Variants in METTL15 observed in about 807,000 individuals in gnomAD.
The protein encoded by METTL15 is 12S rRNA N(4)-cytidine methyltransferase METTL15.
A neutral mutation model predicts 38.3 loss-of-function variants in METTL15; 34 were observed. The ratio of observed to expected loss-of-function variants is 0.89; its 90% CI spans 0.68 to 1.18. The LOEUF is 1.18. Among genes scored for constraint, METTL15 ranks in the 50% most tolerant of loss-of-function variants. METTL15 has a pLI of 0.00. For missense variants in METTL15, 438 were observed against 498.4 expected, an observed-to-expected ratio of 0.88 and a Z score of 1.15; for synonymous variants, 162 against 170.9, an observed-to-expected ratio of 0.95 and a Z score of 0.41.
chr11:28,143,077 C>T (rs541649209), intron 3 of METTL15, among the ~76,000 whole-genome samples: 50 of 151,800 alleles, frequency 3.3e-4, no homozygotes, highest in Admixed American at 1.0e-3. Flanking sequence ...GTGGCCTTGT[C>T]GTAGGATGAA....
At chr11:28,266,957 C>T (rs1002037376) in intron 4 of METTL15, among the ~76,000 whole-genome samples, 4 of 151,858 alleles carry the variant, frequency 2.6e-5, no homozygotes, top group Non-Finnish European at 5.9e-5. Flanking sequence ...GTCAAGAGTT[C>T]GAGACCAGCC....
At chr11:28,134,131 T>G (rs1309419227) in intron 3 of METTL15, among the ~76,000 whole-genome samples, 3 of 152,148 alleles carry the variant, frequency 2.0e-5, no homozygotes, top group Admixed American at 6.5e-5. Context: ...ATTTTTTTGC[T>G]GCTTAGCTCA....
chr11:28,136,187 G>A (rs1849507900), intron 3 of METTL15, among the ~76,000 whole-genome samples: 1 of 152,096 alleles, frequency 6.6e-6, no homozygotes, highest in African/African-American at 2.4e-5. Flanking sequence ...GTAGCAATAT[G>A]GTTTGGCTGT....
intron 5 of METTL15, among the ~76,000 whole-genome samples, chr11:28,292,738 A>C (rs1462311937): frequency 6.6e-6 from 1 of 152,046 alleles, no homozygotes; most frequent in Non-Finnish European, 1.5e-5. Flanking sequence ...CTGACTTTTT[A>C]ATGATTGCCA....
At chr11:28,269,869 TTTAAATTGGA>T (rs1484084402) in intron 4 of METTL15, among the ~76,000 whole-genome samples, 1 of 152,246 alleles carries the variant, frequency 6.6e-6, no homozygotes. Context: ...GCCAGTGTAT[TTTAAATTGGA>T]TCTGATGGGA....
intron 4 of METTL15, among the ~76,000 whole-genome samples, chr11:28,243,162 G>C (rs1329349921): frequency 1.3e-5 from 2 of 151,704 alleles, no homozygotes; most frequent in Non-Finnish European, 2.9e-5. Flanking sequence ...TGATTTTAAA[G>C]ATAAATGCCA....
At chr11:28,434,963 G>C (rs940275251) in intron 6 of METTL15, among the ~76,000 whole-genome samples, 1 of 152,210 alleles carries the variant, frequency 6.6e-6, no homozygotes, top group Non-Finnish European at 1.5e-5. Flanking sequence ...GCTTCTGCTG[G>C]TTTCAAGTTT....
intron 4 of METTL15, among the ~76,000 whole-genome samples, chr11:28,235,708 T>C (rs1590199555): frequency 6.6e-6 from 1 of 152,100 alleles, no homozygotes; most frequent in East Asian, 1.9e-4. Flanking sequence ...GATTTTGGGC[T>C]GAGACAATGG....
chr11:28,167,412 C>T (rs576293268), intron 3 of METTL15, among the ~76,000 whole-genome samples: 10 of 152,228 alleles, frequency 6.6e-5, no homozygotes, highest in Admixed American at 1.3e-4. Context: ...GTCCACCTTG[C>T]GAATCTGTCA....
chr11:28,131,271 A>G (rs1021046343), intron 3 of METTL15, among the ~76,000 whole-genome samples: 12 of 152,196 alleles, frequency 7.9e-5, no homozygotes, highest in African/African-American at 2.4e-4. Flanking sequence ...CGTTCCTGAA[A>G]TAAAATTGCC....
chr11:28,160,030 T>G (rs1418893877), intron 3 of METTL15, among the ~76,000 whole-genome samples: 3 of 151,976 alleles, frequency 2.0e-5, no homozygotes, highest in Admixed American at 2.0e-4. Flanking sequence ...TTAATCTGGG[T>G]GGGCATAATC....
At position 28,123,985 on chromosome 11, in the gene METTL15, T is replaced by A. The variant is rs192762749; in HGVS notation, c.270+10381T>A. ...AACATAGAGTTGTATAAGATTTTACTGTTTATGAAGCACTTTTATATATTA... is the reference window on the plus strand; with the variant it reads ...AACATAGAGTTGTATAAGATTTTACAGTTTATGAAGCACTTTTATATATTA... On this transcript the variant is annotated intron_variant, in intron 3 of 6. Coordinates refer to ENST00000407364, the MANE Select transcript of METTL15 (RefSeq NM_001113528.2). 7,055 of 852,036 alleles carry A rather than the reference T, an allele frequency of 8.3e-3. 52 individuals carry two copies. Among genetic ancestry groups the A allele is most frequent in the Non-Finnish European group, 9.5e-3 (5,801 of 607,938 alleles). 52.8% of individuals were successfully genotyped at this position (852,036 alleles called of 1,614,324 possible). A position where few individuals can be genotyped will look rare whatever the true frequency, so the allele number is the denominator to read the frequency against.
At chr11:28,244,349 T>C (rs1168773600) in intron 4 of METTL15, among the ~76,000 whole-genome samples, 1 of 152,234 alleles carries the variant, frequency 6.6e-6, no homozygotes, top group East Asian at 1.9e-4. Context: ...GCTTGAATTT[T>C]AACATGATAT....
chr11:28,200,103 C>T (rs139910189), intron 3 of METTL15, among the ~76,000 whole-genome samples: 185 of 152,134 alleles, frequency 1.2e-3, no homozygotes, highest in African/African-American at 4.4e-3. Flanking sequence ...AAATGGCATG[C>T]TTTGTGATTA....
intron 3 of METTL15, among the ~76,000 whole-genome samples, chr11:28,160,942 G>A (rs1354666045): frequency 6.6e-6 from 1 of 151,462 alleles, no homozygotes; most frequent in Non-Finnish European, 1.5e-5. Flanking sequence ...TATTTTGTAG[G>A]CACCCTCTTA....
At chr11:28,365,684 T>C (rs1169678458) in intron 5 of METTL15, among the ~76,000 whole-genome samples, 1 of 152,288 alleles carries the variant, frequency 6.6e-6, no homozygotes, top group Middle Eastern at 3.4e-3. Flanking sequence ...ATTGGCATCA[T>C]TGTATGTGAA....
intron 3 of METTL15, among the ~76,000 whole-genome samples, chr11:28,205,340 G>A (rs1282253960): frequency 2.0e-5 from 3 of 149,218 alleles, no homozygotes; most frequent in Non-Finnish European, 1.5e-5. Context: ...CCCACCTATG[G>A]GTGAGACTAT....
chr11:28,241,719 G>A (rs1380067998), intron 4 of METTL15, among the ~76,000 whole-genome samples: 1 of 152,140 alleles, frequency 6.6e-6, no homozygotes, highest in Non-Finnish European at 1.5e-5. Flanking sequence ...ATAGCATTCA[G>A]GCAAAGGAAA....
chr11:28,252,913 C>G (rs910249703), intron 4 of METTL15, among the ~76,000 whole-genome samples: 1 of 152,162 alleles, frequency 6.6e-6, no homozygotes, highest in South Asian at 2.1e-4. Flanking sequence ...CATTTTCCTT[C>G]TAGCTACAAT....
Sources: gnomAD v4.1 joint callset for allele counts (sites outside exome capture counted in the v4.1 genomes callset) on GRCh38, gnomAD v4.1.1 for gene constraint, MANE v1.5 for transcripts, NCBI Gene and HGNC (gene_info 2026-07-23, HGNC 2026-07-21) for gene names.